Variants in ITPR2 observed in about 807,000 individuals in gnomAD.
The protein encoded by ITPR2 is inositol 1,4,5-trisphosphate receptor type 2.
A neutral mutation model predicts 317.1 loss-of-function variants in ITPR2; 207 were observed. The observed-to-expected ratio is 0.65, with a 90% CI of 0.58 to 0.73. The LOEUF is 0.73. ITPR2 is among the 30% of genes least tolerant of loss of function. The pLI is 0.00. For missense variants in ITPR2, 2,613 were observed against 3,284.0 expected (o/e 0.80, Z 4.99); for synonymous variants, 1,156 against 1,149.1 (o/e 1.01, Z -0.12).
intron 16 of ITPR2, among the ~76,000 whole-genome samples, 172 bp from the exon 17 acceptor site, chr12:26,658,302 T>A (rs1947419954): frequency 1.3e-5 from 2 of 152,328 alleles, no homozygotes; most frequent in African/African-American, 4.8e-5. Flanking sequence ...TAGAAACAAA[T>A]TAAACATACA....
chr12:26,343,420 T>G (rs1269992134), intron 55 of ITPR2, among the ~76,000 whole-genome samples: 1 of 152,200 alleles, frequency 6.6e-6, no homozygotes, highest in Non-Finnish European at 1.5e-5. Context: ...GTTTAATGGA[T>G]GCAGACTATT....
At chr12:26,557,390 C>A (rs1448812383) in intron 35 of ITPR2, among the ~76,000 whole-genome samples, 2 of 152,178 alleles carry the variant, frequency 1.3e-5, no homozygotes, top group African/African-American at 4.8e-5. Flanking sequence ...GCATGGTTAT[C>A]CCATTTCCGC....
intron 2 of ITPR2, among the ~76,000 whole-genome samples, chr12:26,754,923 G>A (rs1949493712): frequency 6.6e-6 from 1 of 152,102 alleles, no homozygotes; most frequent in African/African-American, 2.4e-5. Flanking sequence ...TGTCTGTAAG[G>A]TTTCATTAAA....
At chr12:26,361,210 C>CA (rs11450670) in intron 55 of ITPR2, among the ~76,000 whole-genome samples, 107,905 of 143,754 alleles carry the variant, frequency 0.75, 40,184 homozygotes, top group African/African-American at 0.8. Context: ...AGCAAAACTC[C>CA]AAAAAAAAAA....
chr12:26,641,909 TTTATAAAAC>T (rs1394634048), intron 21 of ITPR2, among the ~76,000 whole-genome samples: 4 of 149,504 alleles, frequency 2.7e-5, no homozygotes, highest in African/African-American at 9.9e-5. Context: ...ACAGATACTT[TTTATAAAAC>T]TTATAAAAGC....
intron 35 of ITPR2, among the ~76,000 whole-genome samples, chr12:26,560,952 T>C (rs1175296139): frequency 6.6e-6 from 1 of 152,224 alleles, no homozygotes; most frequent in Non-Finnish European, 1.5e-5. Flanking sequence ...ATGTCTATTA[T>C]GGGCTGAATT....
intron 13 of ITPR2, among the ~76,000 whole-genome samples, chr12:26,666,353 C>G (rs543938070): frequency 4.6e-5 from 7 of 152,290 alleles, no homozygotes; most frequent in African/African-American, 1.7e-4. Context: ...TCCAGCATCT[C>G]CAATCTCTAC....
At position 26,461,627 on chromosome 12, in the gene ITPR2, AATATATATATATATATAT is replaced by A. The variant is rs754482854; in HGVS notation, c.6342+13651_6342+13668del. Among the ~76,000 whole-genome samples, 59 of 48,736 alleles carry A rather than the reference AATATATATATATATATAT, an allele frequency of 1.2e-3. 1 individual carries two copies. Among genetic ancestry groups the A allele is most frequent in the African/African-American group, 4.5e-3 (53 of 11,892 alleles). The allele number at this position is 48,736 out of a possible 152,430, so 32.0% of individuals were successfully genotyped here. A position where few individuals can be genotyped will look rare whatever the true frequency, so the allele number is the denominator to read the frequency against. On this transcript the variant is annotated intron_variant, in intron 45 of 56. Coordinates refer to ENST00000381340, the MANE Select transcript of ITPR2 (RefSeq NM_002223.4). ...ACAATAAGAAAAAGAAAAGCATATA[AATATATATATATATATAT>A]ATATATATATATATATATATATATA... is the stretch of plus-strand genomic sequence containing the variant.
rs538971722 is a variant in ITPR2, at chr12:26,784,674, C to G, written c.163+5483G>C. On this transcript the variant is annotated intron_variant, in intron 2 of 56. Coordinates refer to ENST00000381340, the MANE Select transcript of ITPR2 (RefSeq NM_002223.4). ...TGGTGCCCAGGCTGGAGTGCAGTGG[C>G]GTGATCTCGGCTCGCTACAGCCTCC... Among the ~76,000 whole-genome samples the G allele has an allele frequency of 3.4e-3, 512 of 150,882 alleles. 3 individuals carry two copies. The highest frequency in any genetic ancestry group is 0.012 in the African/African-American group (487 of 41,048).
At chr12:26,675,840 T>C (rs1456767175) in intron 13 of ITPR2, among the ~76,000 whole-genome samples, 1 of 152,204 alleles carries the variant, frequency 6.6e-6, no homozygotes, top group Non-Finnish European at 1.5e-5. Flanking sequence ...TAATTATCAA[T>C]CTAACATCTC....
At chr12:26,574,763 C>A (rs1945237888) in intron 34 of ITPR2, among the ~76,000 whole-genome samples, 1 of 152,016 alleles carries the variant, frequency 6.6e-6, no homozygotes, top group Non-Finnish European at 1.5e-5. Context: ...TGGTGGAAGG[C>A]ACAGGGAGAG....
chr12:26,446,948 TC>T (rs1311196286), intron 45 of ITPR2, among the ~76,000 whole-genome samples: 1 of 152,104 alleles, frequency 6.6e-6, no homozygotes, highest in Non-Finnish European at 1.5e-5. Flanking sequence ...GGGTCTTGAC[TC>T]ATGAGGCTTA....
At chr12:26,522,412 A>C (rs1447940350) in intron 37 of ITPR2, among the ~76,000 whole-genome samples, 1 of 152,196 alleles carries the variant, frequency 6.6e-6, no homozygotes, top group Non-Finnish European at 1.5e-5. Flanking sequence ...CTTTACACAT[A>C]ATAAATCAGG....
intron 52 of ITPR2, among the ~76,000 whole-genome samples, chr12:26,403,624 A>C (rs552820268): frequency 6.6e-6 from 1 of 152,280 alleles, no homozygotes; most frequent in Admixed American, 6.5e-5. Context: ...TCTAAAAAAA[A>C]CAAGCAAACA....
chr12:26,762,544 G>A (rs1187099982), intron 2 of ITPR2, among the ~76,000 whole-genome samples: 1 of 152,088 alleles, frequency 6.6e-6, no homozygotes, highest in Non-Finnish European at 1.5e-5. Context: ...ATCACCATGA[G>A]ACCTGCCTAA....
intron 26 of ITPR2, among the ~76,000 whole-genome samples, chr12:26,603,835 G>A (rs968729359): frequency 4.6e-5 from 7 of 152,138 alleles, no homozygotes; most frequent in African/African-American, 1.7e-4. Context: ...TATGGAAAAC[G>A]GCAAGAACTG....
At chr12:26,451,935 T>C (rs746936734) in intron 45 of ITPR2, among the ~76,000 whole-genome samples, 46 of 152,324 alleles carry the variant, frequency 3.0e-4, no homozygotes, top group African/African-American at 8.9e-4. Flanking sequence ...GTTGTGACGA[T>C]TGATGAAGCT....
chr12:26,629,077 G>C (rs573725361), intron 22 of ITPR2, among the ~76,000 whole-genome samples: 6 of 152,260 alleles, frequency 3.9e-5, no homozygotes, highest in Admixed American at 2.6e-4. Flanking sequence ...GGTCACCCAA[G>C]TTTTAGGAAG....
At chr12:26,666,162 A>ATAGATAGATAGAGAGATAGAT (rs34107444) in intron 13 of ITPR2, 111 bp from the exon 14 acceptor site, 3 of 398,884 alleles carry the variant, frequency 7.5e-6, no homozygotes, top group Non-Finnish European at 1.3e-5. Context: ...AGATAGATAG[A>ATAGATAGATAGAGAGATAGAT]TTTTTTTTTA....
Sources: allele counts gnomAD v4.1 joint callset (sites outside exome capture counted in the v4.1 genomes callset), GRCh38; gene constraint gnomAD v4.1.1; transcripts MANE v1.5; gene names NCBI Gene and HGNC (gene_info 2026-07-23, HGNC 2026-07-21).